HEPH: variants seen among roughly 807,000 people sequenced by gnomAD.
HEPH encodes hephaestin.
In HEPH, 69 loss-of-function variants were observed where a neutral mutation model predicts 80.8. The ratio of observed to expected loss-of-function variants is 0.85; its 90% CI spans 0.70 to 1.04. The LOEUF (loss-of-function observed/expected upper bound fraction) is 1.04. HEPH is among the 50% of genes least tolerant of loss of function. HEPH has a pLI of 0.00. For missense variants in HEPH, 1,115 were observed against 891.3 expected, an observed-to-expected ratio of 1.25 and a Z score of -3.20; for synonymous variants, 431 against 322.8, an observed-to-expected ratio of 1.34 and a Z score of -3.60.
At chrX:66,262,892 G>A (rs191348088) in intron 19 of HEPH, among the ~76,000 whole-genome samples, 2 of 111,713 alleles carry the variant, frequency 1.8e-5, no homozygotes, top group Non-Finnish European at 3.8e-5. Flanking sequence ...TTTCTGAGAT[G>A]TAACAATTCT....
At chrX:66,233,045 G>C (rs776840077) in intron 15 of HEPH, among the ~76,000 whole-genome samples, 1 of 110,693 alleles carries the variant, frequency 9.0e-6, no homozygotes, top group African/African-American at 3.3e-5. Flanking sequence ...GCATGATTAT[G>C]ATCTAAGCAA....
chrX:66,257,457 A>G (rs1225263547), intron 17 of HEPH, among the ~76,000 whole-genome samples: 1 of 112,171 alleles, frequency 8.9e-6, no homozygotes, highest in African/African-American at 3.2e-5. Context: ...TCCTGAACCA[A>G]CTGAGAAAGA....
At chrX:66,188,595 C>A (rs2087618047) in intron 5 of HEPH, 54 bp downstream of exon 5, 2 of 1,034,805 alleles carry the variant, frequency 1.9e-6, no homozygotes, top group Non-Finnish European at 2.7e-6. Context: ...TGGAGGGTAT[C>A]CACTGGGCCT....
At chrX:66,162,939 G>A (rs778670154), upstream of HEPH, 7 of 1,021,108 alleles carry the variant, frequency 6.9e-6, no homozygotes, top group Non-Finnish European at 9.1e-6. Context: ...TGGGTCTGTT[G>A]GGTAGATGCA....
chrX:66,178,188 T>A (rs1274415962), intron 4 of HEPH, among the ~76,000 whole-genome samples: 1 of 111,278 alleles, frequency 9.0e-6, no homozygotes, highest in East Asian at 2.8e-4. Context: ...AGTGAGAACA[T>A]GCAGTGTTTG....
intron 15 of HEPH, among the ~76,000 whole-genome samples, chrX:66,239,853 T>TA (rs1341857692): frequency 8.9e-6 from 1 of 112,207 alleles, no homozygotes; most frequent in Non-Finnish European, 1.9e-5. Flanking sequence ...ACCTCACAAT[T>TA]ATCCCTTATG....
At chrX:66,240,866 T>C (rs1049899121) in intron 15 of HEPH, among the ~76,000 whole-genome samples, 3 of 111,797 alleles carry the variant, frequency 2.7e-5, no homozygotes. Flanking sequence ...CCAATACACA[T>C]AGTCATCAGA....
chrX:66,162,906 C>G (rs1248274874), upstream of HEPH: 4 of 1,133,866 alleles, frequency 3.5e-6, no homozygotes, highest in Non-Finnish European at 4.7e-6. Context: ...GAACCCCCAT[C>G]ATACCTGTCC....
upstream of HEPH, chrX:66,162,987 G>T (rs146241742): frequency 6.0e-6 from 4 of 662,149 alleles, no homozygotes; most frequent in African/African-American, 9.1e-5. Flanking sequence ...CAGACCTGTC[G>T]CCACAAATTG....
intron 15 of HEPH, among the ~76,000 whole-genome samples, chrX:66,208,632 A>AT (rs1491586547): frequency 0.011 from 3 of 270 alleles, no homozygotes; most frequent in African/African-American, 0.045. Context: ...ATATACATAC[A>AT]TATATATATA....
At chrX:66,263,622 T>C (rs373593892) in intron 19 of HEPH, 22 bp from the exon 20 acceptor site, 13 of 1,206,413 alleles carry the variant, frequency 1.1e-5, no homozygotes, top group African/African-American at 3.5e-5. Flanking sequence ...GCTAACCTCT[T>C]GTCTTTTTTC....
At chrX:66,186,590 C>T (rs1030520098) in intron 4 of HEPH, among the ~76,000 whole-genome samples, 9 of 112,491 alleles carry the variant, frequency 8.0e-5, no homozygotes, top group Admixed American at 3.7e-4. Context: ...CACTGGCCTG[C>T]GCCCACTGTC....
chrX:66,207,737 C>T (rs1157952943), intron 14 of HEPH, among the ~76,000 whole-genome samples: 1 of 111,333 alleles, frequency 9.0e-6, no homozygotes, highest in African/African-American at 3.3e-5. Flanking sequence ...CAGAAGGGAC[C>T]CACTGACTCC....
chrX:66,190,804 A>G (rs2087747430), intron 6 of HEPH, among the ~76,000 whole-genome samples: 1 of 111,787 alleles, frequency 8.9e-6, no homozygotes, highest in South Asian at 3.7e-4. Flanking sequence ...GGGGACAGTT[A>G]CATGTACTCC....
At chrX:66,256,049 G>T in intron 16 of HEPH, 56 bp from the exon 17 acceptor site, 2 of 983,944 alleles carry the variant, frequency 2.0e-6, no homozygotes, top group South Asian at 4.4e-5. Flanking sequence ...GCGGAGTACT[G>T]CTACCCAGAA....
intron 4 of HEPH, among the ~76,000 whole-genome samples, chrX:66,175,268 C>G (rs933206572): frequency 9.0e-6 from 1 of 111,565 alleles, no homozygotes; most frequent in South Asian, 3.8e-4. Flanking sequence ...AAATGGTGTC[C>G]TTTCTACACT....
intron 15 of HEPH, among the ~76,000 whole-genome samples, chrX:66,222,991 C>T (rs761387132): frequency 9.0e-6 from 1 of 111,118 alleles, no homozygotes; most frequent in South Asian, 3.9e-4. Flanking sequence ...GTCTAGGAGT[C>T]TGGAGGGGGT....
At chrX:66,199,525 G>A (rs1332459987) in intron 11 of HEPH, among the ~76,000 whole-genome samples, 2 of 111,844 alleles carry the variant, frequency 1.8e-5, no homozygotes, top group African/African-American at 6.5e-5. Context: ...CATGAGCAAA[G>A]TTCATTCCAG....
At chrX:66,234,254 T>C (rs779432712) in intron 15 of HEPH, among the ~76,000 whole-genome samples, 24 of 111,610 alleles carry the variant, frequency 2.2e-4, no homozygotes, top group Non-Finnish European at 2.1e-4. Flanking sequence ...TTCTTTTTTA[T>C]GGCTGCGTAA....
Sources: allele counts gnomAD v4.1 joint callset (sites outside exome capture counted in the v4.1 genomes callset), GRCh38; gene constraint gnomAD v4.1.1; transcripts MANE v1.5; gene names NCBI Gene and HGNC (gene_info 2026-07-23, HGNC 2026-07-21).